The following KAZN variants were observed in gnomAD, a reference collection of about 807,000 sequenced individuals.
KAZN encodes kazrin, periplakin interacting protein, also known as kazrin.
A neutral mutation model predicts 87.4 loss-of-function variants in KAZN; 40 were observed. The observed-to-expected ratio is 0.46, with a 90% CI of 0.36 to 0.60. KAZN has a LOEUF of 0.60. KAZN is among the 20% of genes least tolerant of loss of function. KAZN has a pLI of 0.00. For synonymous variants in KAZN, 466 were observed against 458.3 expected, an observed-to-expected ratio of 1.02 and a Z score of -0.22; for missense variants, 898 against 1,073.9, an observed-to-expected ratio of 0.84 and a Z score of 2.29.
chr1:14,035,613 G>GCATGAGTGT (rs1641521559), intron 1 of KAZN, among the ~76,000 whole-genome samples: 1 of 149,266 alleles, frequency 6.7e-6, no homozygotes, highest in African/African-American at 2.5e-5. Context: ...GGGACTACAG[G>GCATGAGTGT]CATGAGTCAC....
intron 1 of KAZN, among the ~76,000 whole-genome samples, chr1:14,029,513 C>T (rs1303276750): frequency 1.6e-5 from 2 of 124,386 alleles, no homozygotes; most frequent in East Asian, 4.4e-4. Flanking sequence ...CTTTTGTTGC[C>T]ATTGCTTTTG....
intron 13 of KAZN, among the ~76,000 whole-genome samples, chr1:15,106,661 G>C (rs1250661014): frequency 6.6e-6 from 1 of 152,144 alleles, no homozygotes; most frequent in African/African-American, 2.4e-5. Flanking sequence ...AAATGACTCT[G>C]TCCAGGCTCC....
intron 1 of KAZN, among the ~76,000 whole-genome samples, chr1:14,096,644 C>A (rs181096768): frequency 1.3e-5 from 2 of 152,324 alleles, no homozygotes; most frequent in East Asian, 3.9e-4. Context: ...TTTCTCAGAA[C>A]AACCCTCAGA....
At chr1:14,395,687 G>C (rs763279215) in intron 2 of KAZN, among the ~76,000 whole-genome samples, 19 of 152,178 alleles carry the variant, frequency 1.2e-4, no homozygotes, top group Non-Finnish European at 2.2e-4. Flanking sequence ...GGGTATCCTT[G>C]ATCCAGAAAT....
intron 1 of KAZN, among the ~76,000 whole-genome samples, chr1:14,668,144 G>A (rs761710311): frequency 1.3e-5 from 2 of 152,138 alleles, no homozygotes; most frequent in Non-Finnish European, 2.9e-5. Context: ...TTAACGAGAA[G>A]GAAAATGAGA....
At chr1:15,019,001 G>A (rs912360805) in intron 2 of KAZN, among the ~76,000 whole-genome samples, 4 of 152,202 alleles carry the variant, frequency 2.6e-5, no homozygotes, top group South Asian at 2.1e-4. Flanking sequence ...GGCACATGGC[G>A]GGCGGGAGGC....
At chr1:14,313,615 C>G (rs1390110717) in intron 2 of KAZN, among the ~76,000 whole-genome samples, 1 of 151,988 alleles carries the variant, frequency 6.6e-6, no homozygotes, top group Non-Finnish European at 1.5e-5. Flanking sequence ...TTTTCTGGGC[C>G]AAAGTTTCTT....
chr1:14,965,887 AT>A (rs1202878273), intron 2 of KAZN, among the ~76,000 whole-genome samples: 3 of 152,170 alleles, frequency 2.0e-5, no homozygotes, highest in African/African-American at 7.2e-5. Flanking sequence ...ACTAGAAAAA[AT>A]ATGTAAATCT....
At chr1:14,140,783 G>A (rs1432951234) in intron 1 of KAZN, among the ~76,000 whole-genome samples, 1 of 151,922 alleles carries the variant, frequency 6.6e-6, no homozygotes, top group African/African-American at 2.4e-5. Context: ...TCATTATAAC[G>A]ACTTCTAAGG....
intron 1 of KAZN, among the ~76,000 whole-genome samples, chr1:14,643,000 C>A (rs1680522063): frequency 6.6e-6 from 1 of 152,172 alleles, no homozygotes; most frequent in Non-Finnish European, 1.5e-5. Flanking sequence ...TGTGACTCAG[C>A]AGCTGCATTC....
At chr1:14,471,741 T>G (rs191296914) in intron 2 of KAZN, among the ~76,000 whole-genome samples, 394 of 152,316 alleles carry the variant, frequency 2.6e-3, no homozygotes, top group African/African-American at 9.1e-3. Flanking sequence ...GGGTTAACCC[T>G]TAAATAGGAA....
chr1:14,195,472 A>C (rs960614291), intron 2 of KAZN, among the ~76,000 whole-genome samples: 2 of 151,740 alleles, frequency 1.3e-5, no homozygotes, highest in African/African-American at 2.4e-5. Flanking sequence ...AAACAAAACC[A>C]GAAAATCATC....
chr1:14,602,446 T>A (rs1572024995), intron 1 of KAZN, among the ~76,000 whole-genome samples: 1 of 152,040 alleles, frequency 6.6e-6, no homozygotes, highest in African/African-American at 2.4e-5. Context: ...GTCGGTGGGG[T>A]CACGGCAGCC....
intron 1 of KAZN, among the ~76,000 whole-genome samples, chr1:14,903,285 A>C (rs1327730358): frequency 6.6e-6 from 1 of 152,200 alleles, no homozygotes; most frequent in Non-Finnish European, 1.5e-5. Flanking sequence ...CACAGGACCC[A>C]AACTACGTTT....
chr1:13,923,572 C>CAAA lies in KAZN; in HGVS notation c.91+29834_91+29836dup, dbSNP rs58947999. On this transcript the variant is annotated intron_variant, in intron 1 of 16. Coordinates refer to the KAZN transcript ENST00000636203. ...TGGGTGACAGAGCGAGACTCCATCT[C>CAAA]AAAAAAAAAAAAAAAAAAAATATAA... 1.6e-3 allele frequency among the ~76,000 whole-genome samples: 90 copies of CAAA among 55,876 alleles called. 1 individual carries two copies. Among genetic ancestry groups the CAAA allele is most frequent in the Non-Finnish European group, 1.8e-3 (51 of 28,692 alleles). The allele number at this position is 55,876 out of a possible 152,430, so 36.7% of individuals were successfully genotyped here. A position where few individuals can be genotyped will look rare whatever the true frequency, so the allele number is the denominator to read the frequency against.
chr1:14,904,341 T>C (rs1656263983), intron 1 of KAZN, among the ~76,000 whole-genome samples: 1 of 151,738 alleles, frequency 6.6e-6, no homozygotes, highest in Non-Finnish European at 1.5e-5. Context: ...TGCCTCACTT[T>C]GCAGGGTTTG....
At chr1:14,324,497 G>C (rs1656265015) in intron 2 of KAZN, among the ~76,000 whole-genome samples, 1 of 152,172 alleles carries the variant, frequency 6.6e-6, no homozygotes. Flanking sequence ...CAGTATTCAT[G>C]CAAGGGGAGG....
At chr1:14,087,738 A>G (rs1643887660) in intron 1 of KAZN, among the ~76,000 whole-genome samples, 1 of 152,002 alleles carries the variant, frequency 6.6e-6, no homozygotes, top group Admixed American at 6.6e-5. Flanking sequence ...TAGTATGTTA[A>G]TGTGGTGAAT....
chr1:14,378,842 T>A (rs1661129004), intron 2 of KAZN, among the ~76,000 whole-genome samples: 1 of 151,924 alleles, frequency 6.6e-6, no homozygotes, highest in Non-Finnish European at 1.5e-5. Context: ...CCTAGGTAAG[T>A]CCTTGTGCTG....
Sources: allele counts gnomAD v4.1 joint callset (sites outside exome capture counted in the v4.1 genomes callset), GRCh38; gene constraint gnomAD v4.1.1; transcripts MANE v1.5; gene names NCBI Gene and HGNC (gene_info 2026-07-23, HGNC 2026-07-21).